Variants in RNF149 observed in about 807,000 individuals in gnomAD.
RNF149 encodes the protein ring finger protein 149.
Under a neutral mutation model 39.0 loss-of-function variants are expected in RNF149, and 21 were observed. The observed-to-expected ratio is 0.54, with a 90% CI of 0.38 to 0.77. RNF149 has a LOEUF of 0.77. RNF149 is among the 30% of genes least tolerant of loss of function. RNF149 has a pLI of 0.00. For missense variants in RNF149, 493 were observed against 534.9 expected (o/e 0.92, Z 0.77); for synonymous variants, 209 against 213.6 (o/e 0.98, Z 0.19).
chr2:101,276,370 C>G lies in RNF149; in HGVS notation c.*868G>C, dbSNP rs1355781755. 1.0e-6 allele frequency: 1 copy of G among 985,752 alleles called. No individual in the cohort carries two copies. The highest frequency in any genetic ancestry group is 1.7e-5 in the African/African-American group (1 of 57,242). The allele number at this position is 985,752 out of a possible 1,614,324, so 61.1% of individuals were successfully genotyped here. A position where few individuals can be genotyped will look rare whatever the true frequency, so the allele number is the denominator to read the frequency against. ...GGTCATGGTATTAAATCTGCTTAAA[C>G]TCTAATCAAGAAAACTGGTTATTTC... On this transcript the variant is annotated 3_prime_UTR_variant, in exon 7 of 7. Coordinates refer to ENST00000295317, the MANE Select transcript of RNF149 (RefSeq NM_173647.4).
intron 6 of RNF149, among the ~76,000 whole-genome samples, chr2:101,279,347 T>C (rs1682485350): frequency 6.6e-6 from 1 of 152,212 alleles, no homozygotes. Flanking sequence ...TAAGAGGGTA[T>C]TTCAGGACAG....
At chr2:101,295,450 A>G (rs1222130610) in intron 1 of RNF149, among the ~76,000 whole-genome samples, 1 of 152,056 alleles carries the variant, frequency 6.6e-6, no homozygotes, top group Admixed American at 6.6e-5. Context: ...TCACTAGGTG[A>G]GGAGTTTGAG....
chr2:101,273,604 C>T (rs1682222793), downstream of RNF149, among the ~76,000 whole-genome samples: 1 of 151,774 alleles, frequency 6.6e-6, no homozygotes, highest in Admixed American at 6.6e-5. Context: ...TCCCAAGCAG[C>T]TGGGACTACA....
chr2:101,291,890 C>T (rs1371221839), intron 3 of RNF149, among the ~76,000 whole-genome samples: 3 of 152,194 alleles, frequency 2.0e-5, no homozygotes, highest in Non-Finnish European at 2.9e-5. Flanking sequence ...TGTACAGCTG[C>T]TCTTCAGCTT....
At chr2:101,303,848 A>T (rs1683551010) in intron 1 of RNF149, among the ~76,000 whole-genome samples, 1 of 152,052 alleles carries the variant, frequency 6.6e-6, no homozygotes, top group Non-Finnish European at 1.5e-5. Context: ...CTGCCACCCA[A>T]CTCTGGCAGA....
At chr2:101,302,322 C>T (rs1683484483) in intron 1 of RNF149, among the ~76,000 whole-genome samples, 1 of 151,992 alleles carries the variant, frequency 6.6e-6, no homozygotes. Context: ...AGGAGAATTC[C>T]CAATAAAGAG....
rs1682362580 is a variant in RNF149, at chr2:101,276,841, T to C, written c.*397A>G. On this transcript the variant is annotated 3_prime_UTR_variant, in exon 7 of 7. Transcript: ENST00000295317. The stretch of plus-strand genomic sequence containing the variant: ...TGAGATCAATTATCGAATTGAATTA[T>C]ACAATTCCACTTCAACTAGTCTAAC... The C allele has an allele frequency of 1.0e-6, 1 of 1,003,638 alleles. No individual in the cohort carries two copies. The highest frequency in any genetic ancestry group is 1.7e-5 in the African/African-American group (1 of 57,324). The allele number at this position is 1,003,638 out of a possible 1,614,324, so 62.2% of individuals were successfully genotyped here.
In RNF149 at chr2:101,286,112, T is replaced by G. The variant is rs1682783077; in HGVS notation, c.929A>C (p.Lys310Thr). Residue 310 changes from lysine to threonine, a missense_variant, in exon 5 of 7, where the codon AAA becomes ACA. Transcript: ENST00000295317. ...TCCTAGGGCTTTGATGACATCAAGT[T>G]TACACATTGGACATGTTCGGTGATC... ...LLDHRTCPMCKLDVIKALGYW... is the reference protein window; with the variant it reads ...LLDHRTCPMCTLDVIKALGYW... 6.2e-7 allele frequency: 1 copy of G among 1,612,054 alleles called. No individual in the cohort carries two copies. The highest frequency in any genetic ancestry group is 1.3e-5 in the African/African-American group (1 of 74,984).
At chr2:101,307,571 T>TA (rs1683715830) in intron 1 of RNF149, among the ~76,000 whole-genome samples, 2 of 152,334 alleles carry the variant, frequency 1.3e-5, no homozygotes, top group South Asian at 4.1e-4. Flanking sequence ...GCCAGTGTTA[T>TA]AACCCTAAAT....
chr2:101,289,444 C>T (rs893315742), intron 3 of RNF149, among the ~76,000 whole-genome samples: 3 of 151,996 alleles, frequency 2.0e-5, no homozygotes, highest in Non-Finnish European at 4.4e-5. Flanking sequence ...CAGTGGTTCA[C>T]GCCTATAATC....
chr2:101,299,645 C>T (rs565024490), intron 1 of RNF149, among the ~76,000 whole-genome samples: 9 of 152,286 alleles, frequency 5.9e-5, no homozygotes, highest in African/African-American at 2.2e-4. Flanking sequence ...CTCATGTTCC[C>T]ACCTCAGTTA....
At chr2:101,290,336 G>A (rs1215073182) in intron 3 of RNF149, among the ~76,000 whole-genome samples, 1 of 152,144 alleles carries the variant, frequency 6.6e-6, no homozygotes, top group Non-Finnish European at 1.5e-5. Flanking sequence ...CTGTGAATGA[G>A]TCTACAAGAA....
chr2:101,274,653 T>G (rs1362554595), downstream of RNF149, among the ~76,000 whole-genome samples: 4 of 152,190 alleles, frequency 2.6e-5, no homozygotes, highest in Non-Finnish European at 5.9e-5. Flanking sequence ...CATGGTGGGG[T>G]TGACCATGGC....
At chr2:101,271,954 G>T (rs563328450), downstream of RNF149, among the ~76,000 whole-genome samples, 1 of 152,082 alleles carries the variant, frequency 6.6e-6, no homozygotes, top group South Asian at 2.1e-4. Flanking sequence ...ATTCACATTC[G>T]CTGGGAGAAT....
intron 6 of RNF149, among the ~76,000 whole-genome samples, chr2:101,278,811 A>C (rs1044708637): frequency 6.6e-6 from 1 of 152,074 alleles, no homozygotes; most frequent in African/African-American, 2.4e-5. Flanking sequence ...AATCTCTCCA[A>C]TTCCCCCCAC....
chr2:101,308,092 A>C (rs768686558), intron 1 of RNF149, 37 bp downstream of exon 1: 1 of 1,595,752 alleles, frequency 6.3e-7, no homozygotes, highest in Non-Finnish European at 8.5e-7. Flanking sequence ...GGCTGCCGCG[A>C]AGTCCCCCTC....
At chr2:101,286,269 T>A in intron 4 of RNF149, 92 bp from the exon 5 acceptor site, 1 of 690,964 alleles carries the variant, frequency 1.4e-6, no homozygotes, top group South Asian at 1.9e-5. Context: ...CATCCTCTCA[T>A]TACAAGTTAG....
chr2:101,294,140 T>C, intron 2 of RNF149, 58 bp from the exon 3 acceptor site: 2 of 973,184 alleles, frequency 2.1e-6, no homozygotes, highest in Non-Finnish European at 1.6e-6. Context: ...TCACTATTTT[T>C]CTTAAAAGTC....
Position 101,276,714 on chromosome 2 carries a change from T to A in RNF149, c.*524A>T, listed in dbSNP as rs896009012. The A allele has an allele frequency of 5.1e-5, 50 of 985,742 alleles. No individual in the cohort carries two copies. The highest frequency in any genetic ancestry group is 6.1e-5 in the Admixed American group (1 of 16,298). The allele number at this position is 985,742 out of a possible 1,614,324, so 61.1% of individuals were successfully genotyped here. A position where few individuals can be genotyped will look rare whatever the true frequency, so the allele number is the denominator to read the frequency against. On this transcript the variant is annotated 3_prime_UTR_variant, in exon 7 of 7. Coordinates refer to ENST00000295317, the MANE Select transcript of RNF149 (RefSeq NM_173647.4). The stretch of plus-strand genomic sequence containing the variant: ...GCTCTCAGGTTTTGAAATCTTCACA[T>A]ACACTACAGATGGGCAAAAAAGCTA...
Sources: allele counts gnomAD v4.1 joint callset (sites outside exome capture counted in the v4.1 genomes callset), GRCh38; gene constraint gnomAD v4.1.1; transcripts MANE v1.5; gene names NCBI Gene and HGNC (gene_info 2026-07-23, HGNC 2026-07-21).